The following GRIN3A variants were observed in gnomAD, a reference collection of about 807,000 sequenced individuals.
GRIN3A encodes the protein glutamate receptor ionotropic, NMDA 3A.
GRIN3A carries 47 observed loss-of-function variants against 92.4 expected under a neutral mutation model. The ratio of observed to expected loss-of-function variants is 0.51; its 90% CI spans 0.40 to 0.65. The LOEUF (loss-of-function observed/expected upper bound fraction) is 0.65. Ranked by LOEUF, GRIN3A falls within the 30% of genes least tolerant of loss-of-function variation. The pLI, the probability that GRIN3A is intolerant of heterozygous loss-of-function variation, is 0.00. For missense variants in GRIN3A, 1,324 were observed against 1,393.1 expected (o/e 0.95, Z 0.79); for synonymous variants, 527 against 540.6 (o/e 0.97, Z 0.35).
intron 2 of GRIN3A, among the ~76,000 whole-genome samples, chr9:101,673,254 G>A (rs1023151521): frequency 1.3e-5 from 2 of 152,044 alleles, no homozygotes; most frequent in African/African-American, 4.8e-5. Context: ...AAAATTTCCA[G>A]AGATTACACA....
intron 3 of GRIN3A, among the ~76,000 whole-genome samples, chr9:101,629,452 C>T (rs1360098521): frequency 6.6e-6 from 1 of 152,124 alleles, no homozygotes; most frequent in Non-Finnish European, 1.5e-5. Context: ...TGAAGGCCTA[C>T]TCTGTAGAGT....
At chr9:101,628,031 T>C (rs1328131904) in intron 4 of GRIN3A, among the ~76,000 whole-genome samples, 2 of 152,214 alleles carry the variant, frequency 1.3e-5, no homozygotes, top group Non-Finnish European at 2.9e-5. Flanking sequence ...TGAACAAAGC[T>C]ACTACCAACT....
In GRIN3A at chr9:101,623,428, TCA is replaced by T. The variant is rs749030708; in HGVS notation, c.2502_2503del (p.Asn834LysfsTer18). 11 of 1,593,696 alleles carry T rather than the reference TCA, an allele frequency of 6.9e-6. No individual in the cohort carries two copies. In the African/African-American group the frequency reaches 1.2e-4, roughly 17 times the overall value. On this transcript the variant is annotated frameshift_variant, in exon 5 of 9. Transcript: ENST00000361820. LOFTEE classifies it high-confidence loss of function. The stretch of plus-strand genomic sequence containing the variant: ...GATGAAGGCGTCTAGTTTCTCTGGA[TCA>T]TTCCTATATTTAAGACCAGAGGAGA...
chr9:101,695,065 G>C (rs1829667851), intron 1 of GRIN3A, among the ~76,000 whole-genome samples: 1 of 152,108 alleles, frequency 6.6e-6, no homozygotes, highest in Non-Finnish European at 1.5e-5. Context: ...TAATGAAAAT[G>C]GTACTGTTTA....
intron 6 of GRIN3A, among the ~76,000 whole-genome samples, chr9:101,608,639 G>C (rs1828317330): frequency 1.3e-5 from 2 of 152,226 alleles, no homozygotes; most frequent in South Asian, 2.1e-4. Flanking sequence ...CTCAATATTT[G>C]AAAAGCACTA....
chr9:101,582,516 A>G (rs1355287545), intron 6 of GRIN3A, among the ~76,000 whole-genome samples: 5 of 152,206 alleles, frequency 3.3e-5, no homozygotes, highest in African/African-American at 9.7e-5. Context: ...AGGGCTTCAG[A>G]GGTACTAGGG....
intron 3 of GRIN3A, among the ~76,000 whole-genome samples, chr9:101,640,685 C>T (rs1828846266): frequency 6.6e-6 from 1 of 152,104 alleles, no homozygotes; most frequent in African/African-American, 2.4e-5. Context: ...GTAATTGAAT[C>T]ATGGGAGTGG....
At chr9:101,624,329 T>G (rs1404963718) in intron 4 of GRIN3A, among the ~76,000 whole-genome samples, 1 of 151,434 alleles carries the variant, frequency 6.6e-6, no homozygotes, top group Non-Finnish European at 1.5e-5. Context: ...ACCCATTAAC[T>G]CGTCATTTAG....
At chr9:101,611,443 C>T (rs1212339447) in intron 6 of GRIN3A, among the ~76,000 whole-genome samples, 2 of 152,132 alleles carry the variant, frequency 1.3e-5, no homozygotes, top group Non-Finnish European at 2.9e-5. Context: ...ACTACATTTT[C>T]AAAGACCCTA....
At chr9:101,734,604 T>A (rs1289925834) in intron 1 of GRIN3A, among the ~76,000 whole-genome samples, 1 of 151,954 alleles carries the variant, frequency 6.6e-6, no homozygotes, top group East Asian at 1.9e-4. Flanking sequence ...ACTATTATGC[T>A]TTTCTCAGGG....
At chr9:101,651,757 G>A (rs1829018187) in intron 3 of GRIN3A, among the ~76,000 whole-genome samples, 1 of 151,180 alleles carries the variant, frequency 6.6e-6, no homozygotes, top group East Asian at 1.9e-4. Flanking sequence ...TGTAATTCTT[G>A]CTAATATTTC....
intron 2 of GRIN3A, among the ~76,000 whole-genome samples, chr9:101,680,085 G>A (rs567328268): frequency 6.6e-6 from 1 of 152,322 alleles, no homozygotes; most frequent in Admixed American, 6.5e-5. Context: ...GTAGCTGAAT[G>A]ACCTTAGACA....
intron 2 of GRIN3A, among the ~76,000 whole-genome samples, chr9:101,682,667 C>T (rs1829472930): frequency 6.6e-6 from 1 of 152,228 alleles, no homozygotes; most frequent in Admixed American, 6.5e-5. Flanking sequence ...CCAATAATTG[C>T]TCCAATTAAC....
rs529326359 is a variant in GRIN3A, at chr9:101,722,400, C to T, written c.699+14881G>A. Among the ~76,000 whole-genome samples the T allele has an allele frequency of 2.2e-3, 335 of 152,334 alleles. 3 individuals carry two copies. The highest frequency in any genetic ancestry group is 5.8e-4 in the East Asian group (3 of 5,184). The stretch of plus-strand genomic sequence containing the variant: ...GCAGAAGGGAAATGTGGGGTCGGAG[C>T]CCCCACAGAGTCCCTACTGAAGCAC... On this transcript the variant is annotated intron_variant, in intron 1 of 8. Transcript: ENST00000361820.
intron 6 of GRIN3A, 119 bp from the exon 7 acceptor site, chr9:101,579,479 A>G: frequency 3.1e-6 from 3 of 956,532 alleles, no homozygotes; most frequent in Non-Finnish European, 1.6e-6. Flanking sequence ...ACAGCTGGAG[A>G]CTATTTCTCC....
intron 3 of GRIN3A, among the ~76,000 whole-genome samples, chr9:101,639,341 C>T (rs1222243835): frequency 6.7e-6 from 1 of 149,602 alleles, no homozygotes; most frequent in Admixed American, 6.6e-5. Context: ...GGGCTTCTTA[C>T]AGAAAAAAAA....
In GRIN3A at chr9:101,657,441, T is replaced by C. The variant is rs1829105071; in HGVS notation, c.2352+12619A>G. 2.0e-5 allele frequency among the ~76,000 whole-genome samples: 3 copies of C among 152,132 alleles called. No homozygotes were observed. In the South Asian group the frequency reaches 6.2e-4, roughly 32 times the overall value. On this transcript the variant is annotated intron_variant, in intron 3 of 8. Transcript: ENST00000361820. ...ACTCTTGGTGACTATGGATTATTTC[T>C]AGCCTTTCAATAATGTAAACAGTAT...
At chr9:101,733,252 G>A (rs970406924) in intron 1 of GRIN3A, among the ~76,000 whole-genome samples, 1 of 152,148 alleles carries the variant, frequency 6.6e-6, no homozygotes, top group South Asian at 2.1e-4. Context: ...AAAGTAAAGC[G>A]GGAGAGACAA....
At chr9:101,680,815 G>A (rs1489149674) in intron 2 of GRIN3A, among the ~76,000 whole-genome samples, 5 of 152,156 alleles carry the variant, frequency 3.3e-5, no homozygotes, top group Non-Finnish European at 7.4e-5. Context: ...ACAAAGGAAC[G>A]AATTAATCAC....
Sources: gnomAD v4.1 joint callset for allele counts (sites outside exome capture counted in the v4.1 genomes callset) on GRCh38, gnomAD v4.1.1 for gene constraint, MANE v1.5 for transcripts, NCBI Gene and HGNC (gene_info 2026-07-23, HGNC 2026-07-21) for gene names.